The following TMEM63A variants were observed in gnomAD, a reference collection of about 807,000 sequenced individuals.
TMEM63A encodes the protein mechanosensitive cation channel TMEM63A.
In TMEM63A, 76 loss-of-function variants were observed where a neutral mutation model predicts 100.6. The observed-to-expected ratio is 0.76, with a 90% CI of 0.63 to 0.91. The LOEUF (loss-of-function observed/expected upper bound fraction) is 0.91, where lower values mean the gene tolerates loss of function less well. Among genes scored for constraint, TMEM63A ranks in the 40% least tolerant of loss-of-function variants. The pLI is 0.00. For synonymous variants in TMEM63A, 401 were observed against 401.1 expected, an observed-to-expected ratio of 1.00 and a Z score of 0.00; for missense variants, 876 against 1,008.8, an observed-to-expected ratio of 0.87 and a Z score of 1.78.
At chr1:225,874,005 A>G (rs1001331383) in intron 4 of TMEM63A, among the ~76,000 whole-genome samples, 5 of 152,198 alleles carry the variant, frequency 3.3e-5, no homozygotes, top group African/African-American at 7.2e-5. Flanking sequence ...TGTGAGCACA[A>G]TGAGGGTAGC....
chr1:225,856,725 G>A lies in TMEM63A; in HGVS notation c.1498C>T (p.Gln500Ter). Residue 500 changes from glutamine (Q) to a stop codon, truncating the protein, a stop_gained, in exon 17 of 25, where the codon CAG (glutamine) becomes TAG (stop). Transcript: ENST00000366835. LOFTEE classifies it high-confidence loss of function. The part of the protein sequence containing the change: ...ESHWTKSGEN[Q>*]IMMTKVYIFL... ...ATGTAGACTTTGGTCATCATGATCT[G>A]GTTTTCCCCCGACCTGCAGGAAGTC... 1 of 1,613,758 alleles carries A rather than the reference G, an allele frequency of 6.2e-7. No homozygotes were observed. The highest frequency in any genetic ancestry group is 8.5e-7 in the Non-Finnish European group (1 of 1,179,948).
chr1:225,847,098 C>G lies in TMEM63A; in HGVS notation c.2366G>C (p.Gly789Ala). Residue 789 changes from glycine to alanine, a missense_variant, in exon 24 of 25, where the codon GGA becomes GCA. By Grantham distance (60) the Gly-to-Ala change is moderately conservative. Transcript: ENST00000366835. The part of the protein sequence containing the change: ...AIHNISGTIP[G>A]QCLAQSATGS... ...CGTGGCGCTCTGCGCCAAGCACTGT[C>G]CAGGGATAGTCCCGCTGATGTTGTG... is the stretch of plus-strand genomic sequence containing the variant. 1 of 1,613,916 alleles carries G rather than the reference C, an allele frequency of 6.2e-7. No homozygotes were observed. Among genetic ancestry groups the G allele is most frequent in the African/African-American group, 1.3e-5 (1 of 75,082 alleles).
chr1:225,855,791 C>T (rs905102823), intron 18 of TMEM63A, 87 bp downstream of exon 18: 56 of 1,376,044 alleles, frequency 4.1e-5, no homozygotes, highest in African/African-American at 1.6e-4. Flanking sequence ...AGGCTACGAC[C>T]GCCCCCACCC....
At chr1:225,874,823 C>T (rs187546681) in intron 3 of TMEM63A, among the ~76,000 whole-genome samples, 1 of 152,356 alleles carries the variant, frequency 6.6e-6, no homozygotes, top group East Asian at 1.9e-4. Context: ...GCAACTTCCC[C>T]TCCCGGGTTC....
At chr1:225,872,198 A>G (rs1670542160) in intron 4 of TMEM63A, 145 bp from the exon 5 acceptor site, 1 of 625,564 alleles carries the variant, frequency 1.6e-6, no homozygotes, top group Non-Finnish European at 2.8e-6. Context: ...GGGACAAAAT[A>G]TAACTCACTC....
At chr1:225,849,283 G>A (rs1331278565) in intron 21 of TMEM63A, among the ~76,000 whole-genome samples, 3 of 152,002 alleles carry the variant, frequency 2.0e-5, no homozygotes, top group African/African-American at 7.3e-5. Context: ...CAAGTCAATG[G>A]CAATTCTTCA....
intron 13 of TMEM63A, chr1:225,861,808 T>G: frequency 4.8e-6 from 1 of 210,036 alleles, no homozygotes. Context: ...AGCTTTGCAT[T>G]TGTGGGAAGG....
intron 3 of TMEM63A, among the ~76,000 whole-genome samples, chr1:225,876,708 G>A (rs1576118192): frequency 6.6e-6 from 1 of 151,924 alleles, no homozygotes; most frequent in Non-Finnish European, 1.5e-5. Context: ...GAGTGCAGTG[G>A]CGTGATCTCG....
chr1:225,859,108 C>A, intron 15 of TMEM63A, 88 bp downstream of exon 15: 2 of 1,580,814 alleles, frequency 1.3e-6, no homozygotes, highest in Non-Finnish European at 1.7e-6. Context: ...CCCGCACACA[C>A]CCCACTCCTG....
chr1:225,868,877 G>C (rs1384412613), intron 6 of TMEM63A, among the ~76,000 whole-genome samples: 1 of 151,854 alleles, frequency 6.6e-6, no homozygotes. Context: ...CCCACCCTTG[G>C]AGTGCTACAC....
intron 1 of TMEM63A, among the ~76,000 whole-genome samples, chr1:225,882,079 G>A (rs547148511): frequency 1.0e-3 from 155 of 152,370 alleles, no homozygotes; most frequent in Non-Finnish European, 1.7e-3. Context: ...GGAGAGGAAA[G>A]TCCTGAAAAG....
At chr1:225,842,348 C>T (rs1668498797), downstream of TMEM63A, 5 of 1,564,400 alleles carry the variant, frequency 3.2e-6, no homozygotes, top group Admixed American at 1.7e-5. Context: ...CTCTCCCTTG[C>T]TCCCCGCTCC....
intron 18 of TMEM63A, among the ~76,000 whole-genome samples, chr1:225,855,486 T>C (rs1458837950): frequency 6.6e-6 from 1 of 151,972 alleles, no homozygotes; most frequent in African/African-American, 2.4e-5. Flanking sequence ...CTGGCAAAAA[T>C]AATCCCCAGA....
rs368483608 is a variant in TMEM63A, at chr1:225,856,310, A to G, written c.1571+342T>C. On this transcript the variant is annotated intron_variant, in intron 17 of 24. Coordinates refer to ENST00000366835, the MANE Select transcript of TMEM63A (RefSeq NM_014698.3). Reference sequence around the variant, plus strand: ...CAGGCGTGAGCCACTGTGCCTGGCCACAAAATTTTCAAGCTGGTTTTTTTT... The same window carrying G: ...CAGGCGTGAGCCACTGTGCCTGGCCGCAAAATTTTCAAGCTGGTTTTTTTT... Among the ~76,000 whole-genome samples the G allele has an allele frequency of 5.3e-4, 78 of 147,472 alleles. 1 individual carries two copies. Among genetic ancestry groups the G allele is most frequent in the African/African-American group, 1.8e-3 (73 of 40,242 alleles).
chr1:225,845,166 C>G (rs1235534174), downstream of TMEM63A: 1 of 1,614,162 alleles, frequency 6.2e-7, no homozygotes, highest in Non-Finnish European at 8.5e-7. Flanking sequence ...TATGTGCCCA[C>G]TGGCTTCTCT....
chr1:225,866,803 A>C (rs1311500600), intron 8 of TMEM63A, 121 bp from the exon 9 acceptor site: 1 of 859,332 alleles, frequency 1.2e-6, no homozygotes, highest in Non-Finnish European at 1.9e-6. Flanking sequence ...TCACTGCAAG[A>C]GATGCCTCCC....
intron 10 of TMEM63A, chr1:225,863,891 G>A (rs1670066611): frequency 7.6e-6 from 1 of 131,250 alleles, no homozygotes; most frequent in Non-Finnish European, 1.5e-5. Flanking sequence ...CTCCAGCCTG[G>A]GCAACAGAGT....
At chr1:225,872,083 G>C in intron 4 of TMEM63A, 30 bp from the exon 5 acceptor site, 1 of 1,468,928 alleles carries the variant, frequency 6.8e-7, no homozygotes, top group East Asian at 2.3e-5. Flanking sequence ...AAAAATGACA[G>C]ATAATTCTTA....
chr1:225,856,773 C>T, intron 16 of TMEM63A, 35 bp from the exon 17 acceptor site: 1 of 1,604,482 alleles, frequency 6.2e-7, no homozygotes, highest in Non-Finnish European at 8.5e-7. Flanking sequence ...TCGCAGTCCC[C>T]CAAATGCTCT....
Sources: gnomAD v4.1 joint callset for allele counts (sites outside exome capture counted in the v4.1 genomes callset) on GRCh38, gnomAD v4.1.1 for gene constraint, MANE v1.5 for transcripts, NCBI Gene and HGNC (gene_info 2026-07-23, HGNC 2026-07-21) for gene names.